Variants in RAPGEF2 observed in about 807,000 individuals in gnomAD.
The protein encoded by RAPGEF2 is Rap guanine nucleotide exchange factor 2, also known as PDZ domain containing guanine nucleotide exchange factor (GEF) 1.
RAPGEF2 carries 54 observed loss-of-function variants against 186.7 expected under a neutral mutation model. That is an observed-to-expected ratio of 0.29 (90% CI 0.23 to 0.36). The LOEUF is 0.36. RAPGEF2 is among the 10% of genes least tolerant of loss of function. The probability of loss-of-function intolerance (pLI) is 1.00; values close to 1 mark genes in which losing one functional copy is unlikely to be tolerated. For synonymous variants in RAPGEF2, 712 were observed against 705.9 expected (o/e 1.01, Z -0.14); for missense variants, 1,532 against 2,045.0 (o/e 0.75, Z 4.84).
At chr4:159,348,168 C>A (rs1333599048) in intron 25 of RAPGEF2, among the ~76,000 whole-genome samples, 4 of 150,868 alleles carry the variant, frequency 2.7e-5, no homozygotes, top group African/African-American at 9.9e-5. Context: ...TTGTAATAAG[C>A]CGGGATTGCA....
At chr4:159,198,413 CCTCTCT>C (rs70962662) in intron 3 of RAPGEF2, among the ~76,000 whole-genome samples, 3,702 of 111,316 alleles carry the variant, frequency 0.033, 287 homozygotes, top group African/African-American at 0.11. Context: ...TTCCTCTCTT[CCTCTCT>C]CTCTCTCTCT....
chr4:159,344,510 AACT>A (rs1188406627), intron 23 of RAPGEF2, among the ~76,000 whole-genome samples: 4 of 152,298 alleles, frequency 2.6e-5, no homozygotes, highest in African/African-American at 7.2e-5. Flanking sequence ...CAGCTCAACT[AACT>A]ACTATTTTCA....
chr4:159,237,842 TAAAAAAAAAAAAAAAAAA>T (rs58593781), intron 4 of RAPGEF2, among the ~76,000 whole-genome samples: 1 of 66,942 alleles, frequency 1.5e-5, no homozygotes, highest in African/African-American at 5.5e-5. Context: ...CTACAAAAAT[TAAAAAAAAAAAAAAAAAA>T]AAAAAAAAAA....
chr4:159,304,419 A>G lies in RAPGEF2; in HGVS notation c.621A>G (p.Ser207=). 1 of 1,602,468 alleles carries G rather than the reference A, an allele frequency of 6.2e-7. No homozygotes were observed. The highest frequency in any genetic ancestry group is 1.1e-5 in the South Asian group (1 of 90,746). The change falls in exon 8 of 30, where the codon TCA becomes TCG. Residue 207 remains serine (S), a synonymous_variant. Transcript: ENST00000691494. ...TGACCCACGTTTCTTCTAGCCATTCAGGATGTAGTATCACTAGTGATTCTG... is the reference window on the plus strand; with the variant it reads ...TGACCCACGTTTCTTCTAGCCATTCGGGATGTAGTATCACTAGTGATTCTG... The part of the protein sequence containing the change: ...PQVTHVSSSH[S]GCSITSDSGS...
At chr4:159,214,657 T>A (rs1750836884) in intron 4 of RAPGEF2, among the ~76,000 whole-genome samples, 1 of 152,230 alleles carries the variant, frequency 6.6e-6, no homozygotes, top group African/African-American at 2.4e-5. Flanking sequence ...ATTTTTTGCC[T>A]GCTGACTTCC....
chr4:159,141,493 GTGTGTA>G (rs1422445210), intron 1 of RAPGEF2, among the ~76,000 whole-genome samples: 1 of 152,092 alleles, frequency 6.6e-6, no homozygotes, highest in Non-Finnish European at 1.5e-5. Flanking sequence ...GAATATCATT[GTGTGTA>G]TGTGTATGTG....
intron 1 of RAPGEF2, among the ~76,000 whole-genome samples, chr4:159,114,413 A>T (rs1263657914): frequency 6.6e-6 from 1 of 151,666 alleles, no homozygotes; most frequent in Non-Finnish European, 1.5e-5. Context: ...TAATTTTTGC[A>T]TTTTTTTAGA....
At chr4:159,127,525 C>T (rs1047184183) in intron 1 of RAPGEF2, among the ~76,000 whole-genome samples, 2 of 152,112 alleles carry the variant, frequency 1.3e-5, no homozygotes, top group African/African-American at 4.8e-5. Context: ...TTTATGCTGT[C>T]ACTGTTTTTA....
At chr4:159,351,116 C>G (rs1324852426) in intron 26 of RAPGEF2, 13 of 1,535,138 alleles carry the variant, frequency 8.5e-6, no homozygotes, top group South Asian at 1.2e-5. Flanking sequence ...TTAACCAGTT[C>G]CTCCTCTTCT....
At chr4:159,269,445 C>A (rs542758638) in intron 7 of RAPGEF2, among the ~76,000 whole-genome samples, 4 of 152,038 alleles carry the variant, frequency 2.6e-5, no homozygotes, top group African/African-American at 9.6e-5. Flanking sequence ...AAGACCAGCC[C>A]TAAACTTAAT....
intron 7 of RAPGEF2, among the ~76,000 whole-genome samples, chr4:159,259,654 G>A (rs1337042209): frequency 6.6e-6 from 1 of 152,092 alleles, no homozygotes; most frequent in Non-Finnish European, 1.5e-5. Context: ...TTGTAGGTAT[G>A]ACTGTTTAAT....
intron 17 of RAPGEF2, among the ~76,000 whole-genome samples, chr4:159,334,486 T>A (rs951205782): frequency 6.6e-6 from 1 of 152,158 alleles, no homozygotes; most frequent in Admixed American, 6.5e-5. Flanking sequence ...TGTCCTCAAA[T>A]GATCCACCCA....
Position 159,341,943 on chromosome 4 carries a change from A to G in RAPGEF2, c.2914A>G (p.Ile972Val), listed in dbSNP as rs1463713481. The change falls in exon 20 of 30, where the codon ATC becomes GTC. Residue 972 changes from isoleucine (I) to valine (V), a missense_variant. Transcript: ENST00000691494. ...CKNFNSMFAI[I>V]SGLNLAPVAR... is the part of the protein sequence containing the mutation. ...GAATTTTAACTCAATGTTTGCAATCATCAGGTAAGAGAGCACATTTTTTCT... is the reference window on the plus strand; with the variant it reads ...GAATTTTAACTCAATGTTTGCAATCGTCAGGTAAGAGAGCACATTTTTTCT... The G allele has an allele frequency of 1.9e-6, 3 of 1,588,852 alleles. No individual in the cohort carries two copies. The highest frequency in any genetic ancestry group is 2.6e-6 in the Non-Finnish European group (3 of 1,169,230).
intron 17 of RAPGEF2, among the ~76,000 whole-genome samples, chr4:159,334,982 CAT>C (rs1490207889): frequency 5.9e-5 from 9 of 152,064 alleles, no homozygotes; most frequent in African/African-American, 2.2e-4. Flanking sequence ...TAGGATCTAT[CAT>C]ATTGGTAACA....
intron 1 of RAPGEF2, among the ~76,000 whole-genome samples, chr4:159,113,512 G>A (rs774551909): frequency 2.0e-5 from 3 of 152,014 alleles, no homozygotes; most frequent in Non-Finnish European, 2.9e-5. Flanking sequence ...AGACTGAGGC[G>A]GGTGGATCAC....
At chr4:159,176,357 G>A (rs886191057) in intron 1 of RAPGEF2, among the ~76,000 whole-genome samples, 1 of 152,106 alleles carries the variant, frequency 6.6e-6, no homozygotes, top group African/African-American at 2.4e-5. Context: ...GCCTTGTTTG[G>A]GAAATTCGTG....
At chr4:159,188,684 G>T (rs898910642) in intron 2 of RAPGEF2, among the ~76,000 whole-genome samples, 4 of 146,324 alleles carry the variant, frequency 2.7e-5, no homozygotes, top group Admixed American at 2.7e-4. Context: ...AAAAAGAAAA[G>T]AAAAAAAAGA....
intron 4 of RAPGEF2, among the ~76,000 whole-genome samples, chr4:159,215,088 C>T (rs1049860520): frequency 5.9e-5 from 9 of 152,200 alleles, no homozygotes; most frequent in Non-Finnish European, 1.2e-4. Context: ...CTCTCGAACT[C>T]CTGACCTCAA....
rs778753929 is a variant in RAPGEF2, at chr4:159,241,327, T to C, written c.484T>C (p.Tyr162His). 1 of 1,523,992 alleles carries C rather than the reference T, an allele frequency of 6.6e-7. No homozygotes were observed. Among genetic ancestry groups the C allele is most frequent in the South Asian group, 1.2e-5 (1 of 81,956 alleles). 94.4% of individuals were successfully genotyped at this position (1,523,992 alleles called of 1,614,324 possible). A position where few individuals can be genotyped will look rare whatever the true frequency, so the allele number is the denominator to read the frequency against. The change falls in exon 6 of 30, where the codon TAT (tyrosine) becomes CAT (histidine). Residue 162 changes from tyrosine (Y) to histidine (H), a missense_variant. Tyr to His is a moderately conservative substitution (Grantham distance 83). This residue lies in a region of RAPGEF2 where 810 missense variants were observed against 1,210.5 expected (regional missense o/e 0.67). Coordinates refer to ENST00000691494, the MANE Select transcript of RAPGEF2 (RefSeq NM_001394067.2). ...AACAATTATTGACACTGTGGATCCTTATCCCATGGGCAAACCTCCTTTGCC... is the reference window on the plus strand; with the variant it reads ...AACAATTATTGACACTGTGGATCCTCATCCCATGGGCAAACCTCCTTTGCC... ...RQTIIDTVDP[Y>H]PMGKPPLPRG...
Sources: gnomAD v4.1 joint callset for allele counts (sites outside exome capture counted in the v4.1 genomes callset) on GRCh38, gnomAD v4.1.1 for gene constraint, gnomAD v4.1.1 regional missense constraint, MANE v1.5 for transcripts, NCBI Gene and HGNC (gene_info 2026-07-23, HGNC 2026-07-21) for gene names.